CSMD3: variants seen among roughly 807,000 people sequenced by gnomAD.
CSMD3 encodes the protein CUB and Sushi multiple domains 3.
In CSMD3, 177 loss-of-function variants were observed where a neutral mutation model predicts 435.2. The ratio of observed to expected loss-of-function variants is 0.41; its 90% CI spans 0.36 to 0.46. The LOEUF is 0.46. Ranked by LOEUF, CSMD3 falls within the 20% of genes least tolerant of loss-of-function variation. The pLI, the probability that CSMD3 is intolerant of heterozygous loss-of-function variation, is 0.34. For synonymous variants in CSMD3, 1,656 were observed against 1,520.5 expected (o/e 1.09, Z -2.07); for missense variants, 4,265 against 4,504.6 (o/e 0.95, Z 1.52).
rs1821254243 is a variant in CSMD3, at chr8:112,304,713, A to T, written c.8266+8T>A. On this transcript the variant is annotated splice_region_variant and intron_variant, in intron 52 of 70. Transcript: ENST00000297405. ...TTATGAAATAAGTTTAGCAGAGTGT[A>T]TACTTACTTTGGCAATATGGTCTTT... 6.2e-7 allele frequency: 1 copy of T among 1,602,430 alleles called. No individual in the cohort carries two copies. The highest frequency in any genetic ancestry group is 2.2e-5 in the East Asian group (1 of 44,804).
At chr8:113,255,573 T>C (rs1452007199) in intron 3 of CSMD3, among the ~76,000 whole-genome samples, 1 of 152,044 alleles carries the variant, frequency 6.6e-6, no homozygotes, top group Non-Finnish European at 1.5e-5. Context: ...GATCACCAAC[T>C]AAAACAATTA....
rs993143520 is a variant in CSMD3 at position 112,383,731 on chromosome 8, A to G, written c.5935-68T>C. 4 of 959,604 alleles carry G rather than the reference A, an allele frequency of 4.2e-6. No homozygotes were observed. In the African/African-American group the frequency reaches 4.8e-5, roughly 12 times the overall value. The allele number at this position is 959,604 out of a possible 1,614,324, so 59.4% of individuals were successfully genotyped here. A position where few individuals can be genotyped will look rare whatever the true frequency, so the allele number is the denominator to read the frequency against. On this transcript the variant is annotated intron_variant, in intron 36 of 70. Coordinates refer to ENST00000297405, the MANE Select transcript of CSMD3 (RefSeq NM_198123.2). Reference sequence around the variant, plus strand: ...AGATACACATAACTATAGTCCACCAATCCCCCTTGGAAAAGAGAGTTCAAA... The same window carrying G: ...AGATACACATAACTATAGTCCACCAGTCCCCCTTGGAAAAGAGAGTTCAAA...
At chr8:113,152,509 A>C (rs1210345392) in intron 4 of CSMD3, among the ~76,000 whole-genome samples, 1 of 152,086 alleles carries the variant, frequency 6.6e-6, no homozygotes, top group African/African-American at 2.4e-5. Context: ...ACAATGTTCC[A>C]GGAGTAAGAA....
At chr8:112,256,302 GAA>G (rs35712078) in intron 61 of CSMD3, among the ~76,000 whole-genome samples, 2 of 149,816 alleles carry the variant, frequency 1.3e-5, no homozygotes, top group East Asian at 2.0e-4. Context: ...AGTCCCGTGG[GAA>G]AAAAAAAATC....
chr8:112,290,022 T>C (rs948282193), intron 56 of CSMD3, among the ~76,000 whole-genome samples: 22 of 152,204 alleles, frequency 1.4e-4, no homozygotes, highest in Admixed American at 6.5e-4. Flanking sequence ...TCAATGAAGA[T>C]TGATCTGTGA....
chr8:112,227,202 T>A lies in CSMD3; in HGVS notation c.10964+1554A>T, dbSNP rs560216541. On this transcript the variant is annotated intron_variant, in intron 70 of 70. Transcript: ENST00000297405. The stretch of plus-strand genomic sequence containing the variant: ...TCCATCAATTGATGAATGGACACAT[T>A]CATCCATACAATGGAATATTATTTA... Among the ~76,000 whole-genome samples the A allele has an allele frequency of 4.6e-5, 7 of 152,344 alleles. No individual in the cohort carries two copies. The South Asian group carries it at 1.4e-3, about 32-fold the overall frequency.
chr8:112,578,381 A>T (rs542790859), intron 23 of CSMD3, among the ~76,000 whole-genome samples: 2 of 152,122 alleles, frequency 1.3e-5, no homozygotes, highest in South Asian at 4.1e-4. Flanking sequence ...AAAGTTCTGC[A>T]GCTTATTACA....
chr8:112,370,060 G>GAAGAAGAAA (rs1347012297), intron 38 of CSMD3, among the ~76,000 whole-genome samples: 1 of 150,788 alleles, frequency 6.6e-6, no homozygotes, highest in East Asian at 2.0e-4. Context: ...AGAAGAAGAA[G>GAAGAAGAAA]AAGAAGAAGA....
At chr8:112,863,001 T>C (rs185525102) in intron 10 of CSMD3, among the ~76,000 whole-genome samples, 317 of 152,172 alleles carry the variant, frequency 2.1e-3, no homozygotes, top group Middle Eastern at 0.01. Context: ...CAGAAGTATT[T>C]ATTGTTGTCT....
chr8:112,966,436 A>C (rs1169150340), intron 7 of CSMD3, among the ~76,000 whole-genome samples: 1 of 151,128 alleles, frequency 6.6e-6, no homozygotes, highest in Non-Finnish European at 1.5e-5. Context: ...ACTTTTGTAT[A>C]CTTTTCTTTT....
chr8:112,945,413 A>T (rs1056367034), intron 9 of CSMD3, among the ~76,000 whole-genome samples: 2 of 151,718 alleles, frequency 1.3e-5, no homozygotes, highest in African/African-American at 4.8e-5. Flanking sequence ...AAATCTTTAC[A>T]ACTTCCCATC....
intron 24 of CSMD3, among the ~76,000 whole-genome samples, chr8:112,557,260 G>T (rs1042400978): frequency 6.6e-6 from 1 of 151,858 alleles, no homozygotes; most frequent in Non-Finnish European, 1.5e-5. Flanking sequence ...GATTCTGAGT[G>T]ATACCATGAT....
intron 50 of CSMD3, among the ~76,000 whole-genome samples, chr8:112,307,032 GA>G (rs71672988): frequency 0.025 from 3,419 of 138,156 alleles, 83 homozygotes; most frequent in African/African-American, 0.065. Context: ...CTTAGAAACA[GA>G]AAAAAAAAAA....
chr8:112,302,792 T>C (rs944901629), intron 52 of CSMD3, among the ~76,000 whole-genome samples: 1 of 151,762 alleles, frequency 6.6e-6, no homozygotes, highest in Non-Finnish European at 1.5e-5. Flanking sequence ...TAAAATGTAC[T>C]GATGATTTTG....
intron 30 of CSMD3, among the ~76,000 whole-genome samples, chr8:112,494,534 T>TCTTTC (rs1821105743): frequency 7.0e-6 from 1 of 143,478 alleles, no homozygotes; most frequent in Non-Finnish European, 1.5e-5. Context: ...TTTCTTTCTT[T>TCTTTC]CTTTCTTTCT....
intron 27 of CSMD3, among the ~76,000 whole-genome samples, chr8:112,525,751 C>CATATAT (rs553559009): frequency 7.6e-4 from 91 of 119,472 alleles, no homozygotes; most frequent in African/African-American, 1.2e-3. Flanking sequence ...CATATATATA[C>CATATAT]ATATATATAT....
At chr8:113,170,506 T>C (rs1010319075) in intron 4 of CSMD3, among the ~76,000 whole-genome samples, 1 of 152,166 alleles carries the variant, frequency 6.6e-6, no homozygotes, top group Non-Finnish European at 1.5e-5. Flanking sequence ...TTAGCAATTA[T>C]CTGTAAAATC....
intron 64 of CSMD3, among the ~76,000 whole-genome samples, chr8:112,245,776 G>A (rs909545872): frequency 1.3e-5 from 2 of 152,176 alleles, no homozygotes; most frequent in African/African-American, 4.8e-5. Context: ...GACCTCAAGT[G>A]ATCTGCCCAC....
chr8:112,945,011 A>G (rs1490088442), intron 9 of CSMD3, among the ~76,000 whole-genome samples: 6 of 151,666 alleles, frequency 4.0e-5, no homozygotes, highest in Non-Finnish European at 8.9e-5. Flanking sequence ...ATCACTTAAC[A>G]TATCTGCCTA....
Sources: gnomAD v4.1 joint callset for allele counts (sites outside exome capture counted in the v4.1 genomes callset) on GRCh38, gnomAD v4.1.1 for gene constraint, MANE v1.5 for transcripts, NCBI Gene and HGNC (gene_info 2026-07-23, HGNC 2026-07-21) for gene names.